Variants in GALNTL6 observed in about 807,000 individuals in gnomAD.
GALNTL6 encodes polypeptide N-acetylgalactosaminyltransferase-like 6.
A neutral mutation model predicts 73.7 loss-of-function variants in GALNTL6; 46 were observed. The observed-to-expected ratio is 0.62, with a 90% confidence interval of 0.49 to 0.80. The LOEUF (loss-of-function observed/expected upper bound fraction) is 0.80. Ranked by LOEUF, GALNTL6 falls within the 30% of genes least tolerant of loss-of-function variation. The pLI is 0.00. For synonymous variants in GALNTL6, 259 were observed against 263.7 expected, an observed-to-expected ratio of 0.98 and a Z score of 0.17; for missense variants, 604 against 755.0, an observed-to-expected ratio of 0.80 and a Z score of 2.34.
chr4:172,467,510 C>T (rs943670419), intron 5 of GALNTL6, among the ~76,000 whole-genome samples: 4 of 152,086 alleles, frequency 2.6e-5, no homozygotes, highest in Non-Finnish European at 4.4e-5. Context: ...CCAGCAGGCT[C>T]GGTTTGTCAC....
In GALNTL6 at chr4:173,009,305, T is replaced by G. The variant is rs368488518; in HGVS notation, c.1488+11T>G. 7 of 1,556,338 alleles carry G rather than the reference T, an allele frequency of 4.5e-6. No homozygotes were observed. Among genetic ancestry groups the G allele is most frequent in the Admixed American group, 1.7e-5 (1 of 59,912 alleles). On this transcript the variant is annotated intron_variant, in intron 11 of 12. Coordinates refer to ENST00000506823, the MANE Select transcript of GALNTL6 (RefSeq NM_001034845.3). ...TGGTCTCATGAACAGGTGAGTCACC[T>G]CCCAGAAGCCAGGGCAGTGGGAACC...
chr4:173,000,442 T>A (rs937637853), intron 10 of GALNTL6, among the ~76,000 whole-genome samples: 2 of 152,182 alleles, frequency 1.3e-5, no homozygotes, highest in Non-Finnish European at 2.9e-5. Context: ...CCCATGTTCA[T>A]GGATTTAAAA....
intron 2 of GALNTL6, among the ~76,000 whole-genome samples, chr4:171,902,893 G>A (rs1737143365): frequency 6.6e-6 from 1 of 152,086 alleles, no homozygotes; most frequent in African/African-American, 2.4e-5. Flanking sequence ...CTATCAAGAA[G>A]GTCAATATAG....
chr4:172,044,656 A>G (rs563781265), intron 2 of GALNTL6, among the ~76,000 whole-genome samples: 65 of 152,166 alleles, frequency 4.3e-4, no homozygotes, highest in Admixed American at 5.9e-4. Context: ...AACACTGGGA[A>G]AGAGATGATT....
chr4:172,786,693 A>C (rs1324686023), intron 5 of GALNTL6, among the ~76,000 whole-genome samples: 1 of 152,100 alleles, frequency 6.6e-6, no homozygotes, highest in Non-Finnish European at 1.5e-5. Flanking sequence ...AGGTAGAGAG[A>C]GGTCTTTTTG....
chr4:172,786,747 G>A (rs1275296536), intron 5 of GALNTL6, among the ~76,000 whole-genome samples: 1 of 151,942 alleles, frequency 6.6e-6, no homozygotes, highest in Non-Finnish European at 1.5e-5. Flanking sequence ...ATAATCTGTT[G>A]GTATGGAGAA....
chr4:172,224,931 C>T (rs1262687446), intron 2 of GALNTL6, among the ~76,000 whole-genome samples: 1 of 152,046 alleles, frequency 6.6e-6, no homozygotes. Context: ...GTGGTTTCTA[C>T]TTAATGGATT....
At chr4:172,396,627 C>T (rs903337970) in intron 5 of GALNTL6, among the ~76,000 whole-genome samples, 14 of 152,282 alleles carry the variant, frequency 9.2e-5, no homozygotes, top group Middle Eastern at 3.4e-3. Context: ...ATGTTTGTGA[C>T]ATCTTTGACT....
chr4:172,451,649 A>C lies in GALNTL6; in HGVS notation c.553+102960A>C, dbSNP rs183246907. Among the ~76,000 whole-genome samples the C allele has an allele frequency of 5.9e-4, 90 of 152,318 alleles. 1 individual carries two copies. Among genetic ancestry groups the C allele is most frequent in the African/African-American group, 2.1e-3 (88 of 41,576 alleles). On this transcript the variant is annotated intron_variant, in intron 5 of 12. Transcript: ENST00000506823. ...GAAGTGGTTATATATATAGATATAGATATCCTTATTATAAATATTATATGC... is the reference window on the plus strand; with the variant it reads ...GAAGTGGTTATATATATAGATATAGCTATCCTTATTATAAATATTATATGC...
chr4:172,289,399 T>C (rs190827300), intron 3 of GALNTL6, among the ~76,000 whole-genome samples: 179 of 152,336 alleles, frequency 1.2e-3, no homozygotes, highest in African/African-American at 3.2e-3. Flanking sequence ...TTTGAAAATA[T>C]CGTAGTGTTT....
intron 2 of GALNTL6, among the ~76,000 whole-genome samples, chr4:172,053,069 CAAA>C (rs533056214): frequency 6.6e-6 from 1 of 151,940 alleles, no homozygotes; most frequent in Non-Finnish European, 1.5e-5. Flanking sequence ...GTAAATAGGA[CAAA>C]AATAAAATAC....
intron 2 of GALNTL6, among the ~76,000 whole-genome samples, chr4:172,117,669 G>A (rs978094941): frequency 6.6e-6 from 1 of 152,048 alleles, no homozygotes; most frequent in African/African-American, 2.4e-5. Context: ...CCATCAACAG[G>A]AGGACGTAAA....
At chr4:173,031,843 T>A (rs1180831954) in intron 12 of GALNTL6, among the ~76,000 whole-genome samples, 1 of 152,082 alleles carries the variant, frequency 6.6e-6, no homozygotes, top group Non-Finnish European at 1.5e-5. Flanking sequence ...CAAATACTAC[T>A]TAAAGGAAGT....
rs1018674885 is a variant in GALNTL6 at position 172,344,201 on chromosome 4, G to A, written c.387-4322G>A. Among the ~76,000 whole-genome samples, 4 of 152,024 alleles carry A rather than the reference G, an allele frequency of 2.6e-5. No individual in the cohort carries two copies. The East Asian group carries it at 7.7e-4, about 29-fold the overall frequency. ...ATATTGGTACATCATCTTCATATTT[G>A]TAAACTTTTATTCTCAACCTGACTT... On this transcript the variant is annotated intron_variant, in intron 4 of 12. Coordinates refer to ENST00000506823, the MANE Select transcript of GALNTL6 (RefSeq NM_001034845.3).
intron 5 of GALNTL6, among the ~76,000 whole-genome samples, chr4:172,523,645 A>C (rs1187692490): frequency 6.6e-6 from 1 of 152,082 alleles, no homozygotes. Flanking sequence ...GATTACAGTC[A>C]TGAGCCACTG....
At chr4:171,874,011 C>A (rs1378762356) in intron 2 of GALNTL6, among the ~76,000 whole-genome samples, 1 of 152,102 alleles carries the variant, frequency 6.6e-6, no homozygotes, top group East Asian at 1.9e-4. Context: ...GTGTTGAATG[C>A]CGGCAGAATT....
At chr4:172,420,913 CAG>C (rs1422104146) in intron 5 of GALNTL6, among the ~76,000 whole-genome samples, 3 of 151,870 alleles carry the variant, frequency 2.0e-5, no homozygotes, top group Non-Finnish European at 4.4e-5. Context: ...CTAACAGAAA[CAG>C]AAAACCAAAC....
intron 10 of GALNTL6, among the ~76,000 whole-genome samples, chr4:172,977,743 G>A (rs1218634491): frequency 1.3e-5 from 2 of 152,154 alleles, no homozygotes; most frequent in Non-Finnish European, 2.9e-5. Flanking sequence ...TAGGAAGCAT[G>A]TTCTGGGTGG....
At chr4:171,827,373 G>A (rs1484899423) in intron 2 of GALNTL6, among the ~76,000 whole-genome samples, 5 of 152,104 alleles carry the variant, frequency 3.3e-5, no homozygotes, top group Non-Finnish European at 7.4e-5. Flanking sequence ...GACTCAGGGC[G>A]CATAGCCATA....
Sources: allele counts gnomAD v4.1 joint callset (sites outside exome capture counted in the v4.1 genomes callset), GRCh38; gene constraint gnomAD v4.1.1; transcripts MANE v1.5; gene names NCBI Gene and HGNC (gene_info 2026-07-23, HGNC 2026-07-21).